Variants in GPC6 observed in about 807,000 individuals in gnomAD.
GPC6 encodes the protein glypican-6.
A neutral mutation model predicts 55.2 loss-of-function variants in GPC6; 14 were observed. The observed-to-expected ratio is 0.25, with a 90% CI of 0.17 to 0.40. The LOEUF is 0.40. GPC6 is among the 10% of genes least tolerant of loss of function. The pLI, the probability that GPC6 is intolerant of heterozygous loss-of-function variation, is 1.00. For synonymous variants in GPC6, 278 were observed against 259.6 expected (o/e 1.07, Z -0.68); for missense variants, 641 against 708.5 (o/e 0.90, Z 1.08).
chr13:94,393,055 A>G (rs1162463719), intron 7 of GPC6, among the ~76,000 whole-genome samples: 1 of 152,224 alleles, frequency 6.6e-6, no homozygotes, highest in Non-Finnish European at 1.5e-5. Flanking sequence ...ATTTTAAATT[A>G]TAGCCATCCT....
At chr13:93,337,719 G>A (rs1880098289) in intron 1 of GPC6, among the ~76,000 whole-genome samples, 1 of 152,174 alleles carries the variant, frequency 6.6e-6, no homozygotes. Flanking sequence ...CCTTTCTGGT[G>A]GAGATGCTTA....
chr13:94,350,179 T>A (rs1239757682), intron 6 of GPC6, among the ~76,000 whole-genome samples: 4 of 152,110 alleles, frequency 2.6e-5, no homozygotes, highest in Admixed American at 1.3e-4. Flanking sequence ...GATGATTGCA[T>A]CCCATCGTGC....
At chr13:93,490,683 C>T (rs528353533) in intron 1 of GPC6, among the ~76,000 whole-genome samples, 2 of 91,686 alleles carry the variant, frequency 2.2e-5, no homozygotes, top group Non-Finnish European at 4.1e-5. Flanking sequence ...CCCCACCCCA[C>T]CACAGTCCCC....
At chr13:94,105,499 G>A (rs1303098761) in intron 4 of GPC6, among the ~76,000 whole-genome samples, 4 of 152,148 alleles carry the variant, frequency 2.6e-5, no homozygotes, top group Non-Finnish European at 5.9e-5. Flanking sequence ...GAATTAAGGT[G>A]GACCTTAGGA....
At chr13:93,346,066 GC>G (rs1880416786) in intron 1 of GPC6, among the ~76,000 whole-genome samples, 1 of 152,148 alleles carries the variant, frequency 6.6e-6, no homozygotes, top group African/African-American at 2.4e-5. Flanking sequence ...TGGAATGACT[GC>G]TTTTAGTGTC....
At chr13:94,081,900 G>T (rs766362891) in intron 4 of GPC6, among the ~76,000 whole-genome samples, 7 of 148,976 alleles carry the variant, frequency 4.7e-5, no homozygotes, top group Middle Eastern at 3.5e-3. Context: ...GAGTGCAGTG[G>T]CATGATCTCG....
intron 2 of GPC6, among the ~76,000 whole-genome samples, chr13:93,698,029 A>T (rs900224332): frequency 6.6e-6 from 1 of 152,160 alleles, no homozygotes; most frequent in Non-Finnish European, 1.5e-5. Context: ...TTACTTGTCA[A>T]ATATCCTAAA....
intron 4 of GPC6, among the ~76,000 whole-genome samples, chr13:94,218,371 A>G (rs1890283476): frequency 6.6e-6 from 1 of 152,172 alleles, no homozygotes; most frequent in Non-Finnish European, 1.5e-5. Flanking sequence ...GATAAGTGAT[A>G]CAGAAGCAAC....
chr13:94,144,555 G>A lies in GPC6; in HGVS notation c.877+116661G>A, dbSNP rs1314884632. 3.7e-4 allele frequency among the ~76,000 whole-genome samples: 55 copies of A among 146,694 alleles called. 1 individual carries two copies. In the East Asian group the frequency reaches 6.6e-3, roughly 18 times the overall value. On this transcript the variant is annotated intron_variant, in intron 4 of 8. Coordinates refer to ENST00000377047, the MANE Select transcript of GPC6 (RefSeq NM_005708.5). The stretch of plus-strand genomic sequence containing the variant: ...TTTGGGAGTGTGTGTGTATGTGTGT[G>A]TGTGTGTGTGTGTGTGTGTATAAGA...
chr13:93,823,873 T>A (rs1023226354), intron 2 of GPC6, among the ~76,000 whole-genome samples: 2 of 152,144 alleles, frequency 1.3e-5, no homozygotes, highest in African/African-American at 4.8e-5. Context: ...ATAATACTTA[T>A]AATAAACTTA....
intron 4 of GPC6, among the ~76,000 whole-genome samples, chr13:94,098,580 C>A (rs1282367349): frequency 2.0e-5 from 3 of 152,088 alleles, no homozygotes; most frequent in Non-Finnish European, 4.4e-5. Flanking sequence ...TAAATAGGTC[C>A]ATTTAATGTG....
chr13:94,327,400 T>G (rs1877180349), intron 6 of GPC6, among the ~76,000 whole-genome samples: 1 of 152,132 alleles, frequency 6.6e-6, no homozygotes, highest in Non-Finnish European at 1.5e-5. Flanking sequence ...CTTCTCTTCT[T>G]CTCTATCCTC....
At chr13:93,413,542 G>A (rs1876588884) in intron 1 of GPC6, among the ~76,000 whole-genome samples, 1 of 148,988 alleles carries the variant, frequency 6.7e-6, no homozygotes, top group African/African-American at 2.4e-5. Context: ...TTTTAAAATA[G>A]TGTTGTATTT....
intron 2 of GPC6, among the ~76,000 whole-genome samples, chr13:93,580,396 A>G (rs1288251752): frequency 6.6e-6 from 1 of 152,334 alleles, no homozygotes; most frequent in East Asian, 1.9e-4. Context: ...TAACCTACAG[A>G]TTTGTATTTA....
intron 2 of GPC6, among the ~76,000 whole-genome samples, chr13:93,636,752 A>G (rs1164653776): frequency 6.6e-6 from 1 of 152,208 alleles, no homozygotes; most frequent in East Asian, 1.9e-4. Context: ...CAGAAATATC[A>G]GGGAGAGATA....
chr13:94,369,027 T>C (rs961104413), intron 6 of GPC6, among the ~76,000 whole-genome samples: 3 of 152,220 alleles, frequency 2.0e-5, no homozygotes, highest in Non-Finnish European at 4.4e-5. Context: ...AACAGATTGT[T>C]TTCCAAAGCT....
intron 4 of GPC6, among the ~76,000 whole-genome samples, chr13:94,064,957 A>G (rs139073843): frequency 2.8e-4 from 42 of 152,270 alleles, no homozygotes; most frequent in African/African-American, 1.0e-3. Flanking sequence ...CTTCTCATTT[A>G]CCTTGTAATA....
intron 2 of GPC6, among the ~76,000 whole-genome samples, chr13:93,681,320 A>T (rs1881838511): frequency 6.6e-6 from 1 of 152,212 alleles, no homozygotes; most frequent in African/African-American, 2.4e-5. Flanking sequence ...ATTTATGTGG[A>T]TAAATACAGG....
At chr13:93,651,309 T>TA (rs2139599042) in intron 2 of GPC6, among the ~76,000 whole-genome samples, 1 of 152,130 alleles carries the variant, frequency 6.6e-6, no homozygotes, top group East Asian at 1.9e-4. Flanking sequence ...AACTAGATTC[T>TA]AAAAAATTTG....
Sources: allele counts gnomAD v4.1 joint callset (sites outside exome capture counted in the v4.1 genomes callset), GRCh38; gene constraint gnomAD v4.1.1; transcripts MANE v1.5; gene names NCBI Gene and HGNC (gene_info 2026-07-23, HGNC 2026-07-21).